CAMK4: variants seen among roughly 807,000 people sequenced by gnomAD.
CAMK4 encodes the protein calcium/calmodulin dependent protein kinase IV.
In CAMK4, 22 loss-of-function variants were observed where a neutral mutation model predicts 44.9. The ratio of observed to expected loss-of-function variants is 0.49; its 90% CI spans 0.35 to 0.70. CAMK4 has a LOEUF of 0.70. Among genes scored for constraint, CAMK4 ranks in the 30% least tolerant of loss-of-function variants. The pLI is 0.01. For missense variants in CAMK4, 498 were observed against 586.8 expected, an observed-to-expected ratio of 0.85 and a Z score of 1.56; for synonymous variants, 218 against 215.4, an observed-to-expected ratio of 1.01 and a Z score of -0.11.
intron 5 of CAMK4, among the ~76,000 whole-genome samples, chr5:111,440,076 T>C (rs963962415): frequency 1.3e-5 from 2 of 152,184 alleles, no homozygotes; most frequent in Non-Finnish European, 2.9e-5. Flanking sequence ...TATGTGGGTT[T>C]GAGAGAATAT....
chr5:111,354,616 G>T (rs369828666), intron 2 of CAMK4, among the ~76,000 whole-genome samples: 75,744 of 151,842 alleles, frequency 0.5, 19,041 homozygotes, highest in African/African-American at 0.54. Flanking sequence ...GGCTGAGGCA[G>T]GAGAATCACT....
Position 111,459,686 on chromosome 5 carries a change from C to CTT in CAMK4, c.625+10508_625+10509dup, listed in dbSNP as rs56176713. On this transcript the variant is annotated intron_variant, in intron 7 of 10. Coordinates refer to ENST00000282356, the MANE Select transcript of CAMK4 (RefSeq NM_001744.6). Reference sequence around the variant, plus strand: ...TGTTCTCTTTGAGTTTAGAGACAGTCTTTTTTTTTTTTTTTTTTTTTTTTT... The same window carrying CTT: ...TGTTCTCTTTGAGTTTAGAGACAGTCTTTTTTTTTTTTTTTTTTTTTTTTTTT... 3.3e-3 allele frequency among the ~76,000 whole-genome samples: 282 copies of CTT among 86,676 alleles called. 16 individuals are homozygous for CTT. Among genetic ancestry groups the CTT allele is most frequent in the African/African-American group, 0.011 (222 of 20,114 alleles). 56.9% of individuals were successfully genotyped at this position (86,676 alleles called of 152,430 possible). A position where few individuals can be genotyped will look rare whatever the true frequency, so the allele number is the denominator to read the frequency against.
Position 111,224,694 on chromosome 5 carries a change from G to A in CAMK4, c.161+50G>A, listed in dbSNP as rs1439851823. On this transcript the variant is annotated intron_variant, in intron 1 of 10. Transcript: ENST00000282356. The surrounding 1 kb of genome is among the most constrained non-coding windows in gnomAD (Gnocchi z 5.7). ...AAGCCCGCGGCGTGCACTGGGGGTT[G>A]TCCCTCTCGCAGCGACGGCTCGGAG... 1 of 1,556,826 alleles carries A rather than the reference G, an allele frequency of 6.4e-7. No homozygotes were observed. Among genetic ancestry groups the A allele is most frequent in the South Asian group, 1.2e-5 (1 of 85,838 alleles).
At chr5:111,320,996 T>A (rs306076) in intron 1 of CAMK4, among the ~76,000 whole-genome samples, 1 of 152,042 alleles carries the variant, frequency 6.6e-6, no homozygotes, top group African/African-American at 2.4e-5. Context: ...TGAAATGGAA[T>A]AATTATGGAC....
chr5:111,284,104 C>T (rs1004568082), intron 1 of CAMK4, among the ~76,000 whole-genome samples: 1 of 152,118 alleles, frequency 6.6e-6, no homozygotes, highest in Admixed American at 6.5e-5. Context: ...ATTATAGTAT[C>T]CCTTCTTTAA....
intron 2 of CAMK4, among the ~76,000 whole-genome samples, chr5:111,360,983 A>G (rs1184416052): frequency 6.6e-6 from 1 of 152,038 alleles, no homozygotes; most frequent in Non-Finnish European, 1.5e-5. Flanking sequence ...TTTCTTCTGT[A>G]CTTTTCTGGT....
At chr5:111,292,859 A>C (rs1436486400) in intron 1 of CAMK4, among the ~76,000 whole-genome samples, 2 of 152,166 alleles carry the variant, frequency 1.3e-5, no homozygotes, top group African/African-American at 4.8e-5. Flanking sequence ...TGAGCCCAGG[A>C]GGTCAAGGCT....
chr5:111,275,891 C>G (rs544983679), intron 1 of CAMK4, among the ~76,000 whole-genome samples: 1 of 151,882 alleles, frequency 6.6e-6, no homozygotes, highest in East Asian at 1.9e-4. Context: ...ACATATACCC[C>G]CAAAATAGGT....
chr5:111,342,173 C>T (rs967101198), intron 1 of CAMK4, among the ~76,000 whole-genome samples: 3 of 151,130 alleles, frequency 2.0e-5, no homozygotes, highest in Admixed American at 1.3e-4. Context: ...TGTAATCCTT[C>T]CTGAGAGTTT....
intron 5 of CAMK4, among the ~76,000 whole-genome samples, chr5:111,441,258 A>G (rs1039213087): frequency 1.3e-5 from 2 of 152,198 alleles, no homozygotes; most frequent in South Asian, 4.1e-4. Flanking sequence ...TATTGCATTT[A>G]TTTTATAATA....
intron 5 of CAMK4, among the ~76,000 whole-genome samples, chr5:111,425,962 A>T (rs1753211320): frequency 6.6e-6 from 1 of 152,190 alleles, no homozygotes; most frequent in Non-Finnish European, 1.5e-5. Context: ...GAATAGTGTG[A>T]TACTGTATGG....
At chr5:111,421,111 G>A (rs1753015715) in intron 5 of CAMK4, among the ~76,000 whole-genome samples, 1 of 152,166 alleles carries the variant, frequency 6.6e-6, no homozygotes, top group Admixed American at 6.5e-5. Flanking sequence ...TTAATTTGGG[G>A]AACTAATAAA....
intron 7 of CAMK4, among the ~76,000 whole-genome samples, chr5:111,468,655 T>G (rs1754931464): frequency 6.6e-6 from 1 of 152,202 alleles, no homozygotes; most frequent in African/African-American, 2.4e-5. Context: ...CTACTGGTTC[T>G]GAACAAAGTC....
chr5:111,259,872 A>G (rs1749905153), intron 1 of CAMK4, among the ~76,000 whole-genome samples: 2 of 152,204 alleles, frequency 1.3e-5, no homozygotes, highest in South Asian at 2.1e-4. Context: ...GCAGAAAAAT[A>G]TAAAACATAT....
At chr5:111,483,927 A>T in intron 10 of CAMK4, 99 bp from the exon 11 acceptor site, 2 of 904,660 alleles carry the variant, frequency 2.2e-6, no homozygotes, top group Non-Finnish European at 3.2e-6. Context: ...TTTAACGCTA[A>T]CCTATAAAAC....
intron 2 of CAMK4, among the ~76,000 whole-genome samples, chr5:111,371,349 T>C (rs1340966059): frequency 6.6e-6 from 1 of 152,176 alleles, no homozygotes. Context: ...GTTTTAATAT[T>C]AGCAGCAGTT....
chr5:111,291,447 C>T (rs1283309187), intron 1 of CAMK4, among the ~76,000 whole-genome samples: 3 of 152,174 alleles, frequency 2.0e-5, no homozygotes, highest in Admixed American at 1.3e-4. Flanking sequence ...AATTTTTACT[C>T]ATCCTTATGT....
chr5:111,385,909 C>G lies in CAMK4; in HGVS notation c.387-8801C>G, dbSNP rs572191481. Among the ~76,000 whole-genome samples, 58 of 152,194 alleles carry G rather than the reference C, an allele frequency of 3.8e-4. 1 individual carries two copies. The highest frequency in any genetic ancestry group is 1.3e-3 in the African/African-American group (55 of 41,546). The stretch of plus-strand genomic sequence containing the variant: ...ATATCTTTTGAGTCAGGCCTTTTAT[C>G]TATAGTATGAGAGAAGTAGACTGGG... On this transcript the variant is annotated intron_variant, in intron 4 of 10. Coordinates refer to ENST00000282356, the MANE Select transcript of CAMK4 (RefSeq NM_001744.6).
At chr5:111,408,723 A>T (rs1019887380) in intron 5 of CAMK4, among the ~76,000 whole-genome samples, 1 of 152,198 alleles carries the variant, frequency 6.6e-6, no homozygotes, top group African/African-American at 2.4e-5. Context: ...ATGAGGCTAT[A>T]AAATCAAAAG....
Sources: gnomAD v4.1 joint callset for allele counts (sites outside exome capture counted in the v4.1 genomes callset) on GRCh38, gnomAD v4.1.1 for gene constraint, Gnocchi (gnomAD v3.1) non-coding constraint, MANE v1.5 for transcripts, NCBI Gene and HGNC (gene_info 2026-07-23, HGNC 2026-07-21) for gene names.